The following ATAD3B variants were observed in gnomAD, a reference collection of about 807,000 sequenced individuals.
ATAD3B encodes the protein ATPase family AAA domain-containing protein 3B.
ATAD3B carries 59 observed loss-of-function variants against 70.2 expected under a neutral mutation model. The observed-to-expected ratio is 0.84, with a 90% CI of 0.68 to 1.04. The LOEUF (loss-of-function observed/expected upper bound fraction) is 1.04, where lower values mean the gene tolerates loss of function less well. ATAD3B is among the 50% of genes least tolerant of loss of function. ATAD3B has a pLI of 0.00. For missense variants in ATAD3B, 961 were observed against 913.4 expected (o/e 1.05, Z -0.67); for synonymous variants, 423 against 388.6 (o/e 1.09, Z -1.04).
downstream of ATAD3B, among the ~76,000 whole-genome samples, chr1:1,500,560 A>G (rs1640921192): frequency 1.3e-5 from 2 of 150,788 alleles, no homozygotes; most frequent in African/African-American, 2.4e-5. Context: ...TCTCAAAAAA[A>G]AAAAAAAATT....
chr1:1,472,111 G>A, intron 1 of ATAD3B, 22 bp downstream of exon 1: 1 of 1,172,786 alleles, frequency 8.5e-7, no homozygotes. Context: ...GGGGCGGGGC[G>A]GGGCGGGCGG....
chr1:1,498,591 A>G (rs1640869660), downstream of ATAD3B, among the ~76,000 whole-genome samples: 1 of 151,826 alleles, frequency 6.6e-6, no homozygotes, highest in Non-Finnish European at 1.5e-5. Context: ...ATTTTTTGGT[A>G]CAGACGGGGT....
At chr1:1,495,423 G>A (rs1291515153) in intron 15 of ATAD3B, 62 bp from the exon 16 acceptor site, 14 of 1,536,244 alleles carry the variant, frequency 9.1e-6, no homozygotes, top group Non-Finnish European at 1.2e-5. Flanking sequence ...CGGGGCCCTG[G>A]CGTGCATTAA....
intron 15 of ATAD3B, among the ~76,000 whole-genome samples, 175 bp from the exon 16 acceptor site, chr1:1,495,310 C>T (rs376219560): frequency 0.014 from 2,067 of 151,928 alleles, 41 homozygotes; most frequent in South Asian, 0.027. Flanking sequence ...CTGCAGGGGC[C>T]GCTCCCAGTG....
chr1:1,501,530 C>G (rs1262630099), downstream of ATAD3B, among the ~76,000 whole-genome samples: 1 of 152,040 alleles, frequency 6.6e-6, no homozygotes, highest in African/African-American at 2.4e-5. Context: ...GCTGGAATTA[C>G]AGGCGTGAGC....
At chr1:1,476,037 T>C (rs1286756980) in intron 1 of ATAD3B, among the ~76,000 whole-genome samples, 1 of 143,784 alleles carries the variant, frequency 7.0e-6, no homozygotes. Context: ...AGAGTGAGAG[T>C]GGTTGAGAGC....
chr1:1,502,597 C>T (rs1219968432), downstream of ATAD3B, among the ~76,000 whole-genome samples: 6 of 149,590 alleles, frequency 4.0e-5, no homozygotes, highest in African/African-American at 1.2e-4. Flanking sequence ...CTGCAACCTC[C>T]GCCTCCCGGG....
chr1:1,508,563 G>C, the ATAD3B span, among the ~76,000 whole-genome samples: 1 of 151,444 alleles, frequency 6.6e-6, no homozygotes, highest in Non-Finnish European at 1.5e-5. Flanking sequence ...CTGACCCACG[G>C]GTGACTCCCT....
In ATAD3B at chr1:1,496,350, G is replaced by A. The variant is rs569597464; in HGVS notation, c.*533G>A. ...GAGCGGTGTGCTTCACATCAGCCTC[G>A]CGCCACATCCGAGTTGGGGTCTGAA... is the stretch of plus-strand genomic sequence containing the variant. On this transcript the variant is annotated 3_prime_UTR_variant, in exon 16 of 16. Coordinates refer to ENST00000673477, the MANE Select transcript of ATAD3B (RefSeq NM_031921.6). 8 of 714,850 alleles carry A rather than the reference G, an allele frequency of 1.1e-5. No individual in the cohort carries two copies. The highest frequency in any genetic ancestry group is 1.9e-5 in the African/African-American group (1 of 51,970). 44.3% of individuals were successfully genotyped at this position (714,850 alleles called of 1,614,324 possible).
At chr1:1,501,966 T>C (rs1389582821), downstream of ATAD3B, among the ~76,000 whole-genome samples, 2 of 151,566 alleles carry the variant, frequency 1.3e-5, no homozygotes, top group African/African-American at 4.8e-5. Context: ...GCAACCTCCA[T>C]CTCCTGGGTT....
rs994045943 is a variant in ATAD3B, at chr1:1,486,530, C to T, written c.1090-14C>T. ...GGAACATCTGTTCTGTCTCCCCTCA[C>T]TCTTCTTGTCCAGAAACTCGCCCTG... On this transcript the variant is annotated splice_polypyrimidine_tract_variant and intron_variant, in intron 10 of 15. Coordinates refer to ENST00000673477, the MANE Select transcript of ATAD3B (RefSeq NM_031921.6). 2.5e-6 allele frequency: 4 copies of T among 1,611,988 alleles called. No individual in the cohort carries two copies. The African/African-American group carries it at 5.4e-5, about 22-fold the overall frequency.
chr1:1,508,562 G>A, the ATAD3B span, among the ~76,000 whole-genome samples: 1 of 151,448 alleles, frequency 6.6e-6, no homozygotes, highest in East Asian at 1.9e-4. Context: ...CCTGACCCAC[G>A]GGTGACTCCC....
the ATAD3B span, chr1:1,509,366 C>T: frequency 2.5e-6 from 4 of 1,608,198 alleles, no homozygotes; most frequent in Non-Finnish European, 3.4e-6. Flanking sequence ...ATGGGGAGAC[C>T]ACACCTCACG....
Position 1,479,054 on chromosome 1 carries a change from C to T in ATAD3B, c.390C>T (p.Ala130=). 7.9e-7 allele frequency: 1 copy of T among 1,261,836 alleles called. No homozygotes were observed. Among genetic ancestry groups the T allele is most frequent in the Non-Finnish European group, 1.1e-6 (1 of 920,392 alleles). 78.2% of individuals were successfully genotyped at this position (1,261,836 alleles called of 1,614,324 possible). ...SEETRQHQAR[A]QYQDKLARQR... is the part of the protein sequence containing the mutation. ...GCCGCCCTCTTCTCCCCCAGAGGGC[C>T]CAGTATCAAGACAAGCTGGCCCGGC... Residue 130 remains alanine (A), a synonymous_variant, in exon 4 of 16, where the codon GCC becomes GCT. Coordinates refer to ENST00000673477, the MANE Select transcript of ATAD3B (RefSeq NM_031921.6).
rs574769267 is a variant in ATAD3B at position 1,474,347 on chromosome 1, C to T, written c.205+2258C>T. ...CTGGGACTACAAGTGCCCGCCGCCA[C>T]GCCCGGCTAATTTTTTGTATTTTTT... On this transcript the variant is annotated intron_variant, in intron 1 of 15. Coordinates refer to ENST00000673477, the MANE Select transcript of ATAD3B (RefSeq NM_031921.6). Among the ~76,000 whole-genome samples the T allele has an allele frequency of 2.1e-4, 32 of 151,008 alleles. 1 individual carries two copies. Among genetic ancestry groups the T allele is most frequent in the Non-Finnish European group, 3.4e-4 (23 of 67,772 alleles).
chr1:1,490,361 G>T lies in ATAD3B; in HGVS notation c.1442G>T (p.Arg481Leu). Residue 481 changes from arginine to leucine, a missense_variant, in exon 14 of 16, where the codon CGG becomes CTG. Physicochemically the swap from Arg to Leu is moderately radical, Grantham distance 102. Transcript: ENST00000673477. ...TTCGACCTGCCGCAGCAGGAGGAGC[G>T]GGAGCGCCTGGTGAGACTGCATTTT... ...VHFDLPQQEE[R>L]ERLVRLHFDN... 6.2e-7 allele frequency: 1 copy of T among 1,613,448 alleles called. No homozygotes were observed. The highest frequency in any genetic ancestry group is 8.5e-7 in the Non-Finnish European group (1 of 1,179,674).
intron 15 of ATAD3B, among the ~76,000 whole-genome samples, chr1:1,494,876 G>A (rs573235609): frequency 6.6e-5 from 10 of 152,084 alleles, no homozygotes; most frequent in African/African-American, 2.2e-4. Context: ...GGGACTCCAC[G>A]CCCTTCGCTG....
intron 7 of ATAD3B, chr1:1,483,003 G>A (rs562450598): frequency 5.4e-5 from 25 of 460,842 alleles, no homozygotes; most frequent in African/African-American, 2.4e-4. Context: ...CTTGTCTCAA[G>A]AAAAAAATGG....
At chr1:1,493,736 C>A (rs1640646130) in intron 15 of ATAD3B, among the ~76,000 whole-genome samples, 1 of 151,784 alleles carries the variant, frequency 6.6e-6, no homozygotes, top group Admixed American at 6.6e-5. Flanking sequence ...GATTGATTTT[C>A]ATATATTGAA....
Sources: gnomAD v4.1 joint callset for allele counts (sites outside exome capture counted in the v4.1 genomes callset) on GRCh38, gnomAD v4.1.1 for gene constraint, MANE v1.5 for transcripts, NCBI Gene and HGNC (gene_info 2026-07-23, HGNC 2026-07-21) for gene names.